Variants in CTNNA3 observed in about 807,000 individuals in gnomAD.
CTNNA3 encodes catenin alpha-3.
A neutral mutation model predicts 95.7 loss-of-function variants in CTNNA3; 76 were observed. The ratio of observed to expected loss-of-function variants is 0.79; its 90% confidence interval spans 0.66 to 0.96. CTNNA3 has a LOEUF of 0.96. CTNNA3 is among the 40% of genes least tolerant of loss of function. The pLI, the probability that CTNNA3 is intolerant of heterozygous loss-of-function variation, is 0.00. For missense variants in CTNNA3, 1,191 were observed against 1,089.8 expected, an observed-to-expected ratio of 1.09 and a Z score of -1.31; for synonymous variants, 431 against 374.4, an observed-to-expected ratio of 1.15 and a Z score of -1.74.
At chr10:67,357,288 C>T (rs1364474535) in intron 5 of CTNNA3, among the ~76,000 whole-genome samples, 1 of 152,040 alleles carries the variant, frequency 6.6e-6, no homozygotes, top group East Asian at 1.9e-4. Context: ...TTACATCAAA[C>T]ATGATGTTAT....
chr10:66,506,043 A>T (rs1353511192), intron 11 of CTNNA3, among the ~76,000 whole-genome samples: 2 of 152,170 alleles, frequency 1.3e-5, no homozygotes, highest in African/African-American at 2.4e-5. Flanking sequence ...TCATGGCAGA[A>T]GGTGATGGGG....
chr10:67,554,782 GC>G (rs1841172367), intron 3 of CTNNA3, among the ~76,000 whole-genome samples: 1 of 152,092 alleles, frequency 6.6e-6, no homozygotes, highest in Non-Finnish European at 1.5e-5. Context: ...GTCAATTTTG[GC>G]TTTTGTTGCC....
intron 5 of CTNNA3, among the ~76,000 whole-genome samples, chr10:67,277,968 A>G (rs117338106): frequency 6.6e-6 from 1 of 152,288 alleles, no homozygotes; most frequent in East Asian, 1.9e-4. Flanking sequence ...GAGCAGTCCA[A>G]GATGCTGCCC....
chr10:66,348,741 G>A (rs1028170394), intron 12 of CTNNA3, among the ~76,000 whole-genome samples: 11 of 152,000 alleles, frequency 7.2e-5, no homozygotes, highest in African/African-American at 2.2e-4. Flanking sequence ...ACGAGTGTCC[G>A]CTTGTTGATG....
At chr10:66,437,055 C>A (rs1396704497) in intron 11 of CTNNA3, among the ~76,000 whole-genome samples, 2 of 152,056 alleles carry the variant, frequency 1.3e-5, no homozygotes, top group African/African-American at 4.8e-5. Flanking sequence ...GCCAAGAGAT[C>A]CCCTGTTAGT....
At chr10:66,097,042 A>G (rs937543141) in intron 14 of CTNNA3, among the ~76,000 whole-genome samples, 2 of 152,128 alleles carry the variant, frequency 1.3e-5, no homozygotes, top group Admixed American at 6.6e-5. Context: ...TTTTTTGGAT[A>G]TCTATTTCAG....
At chr10:67,274,053 C>G (rs1839090053) in intron 5 of CTNNA3, among the ~76,000 whole-genome samples, 1 of 152,072 alleles carries the variant, frequency 6.6e-6, no homozygotes, top group African/African-American at 2.4e-5. Flanking sequence ...CATAAATTTA[C>G]TATAAAACAA....
intron 13 of CTNNA3, among the ~76,000 whole-genome samples, chr10:66,270,853 A>G (rs2091265907): frequency 1.3e-5 from 2 of 152,272 alleles, no homozygotes; most frequent in South Asian, 2.1e-4. Flanking sequence ...AATTAGGGGA[A>G]CAGCCAGCAG....
intron 10 of CTNNA3, among the ~76,000 whole-genome samples, chr10:66,540,015 T>C (rs1841793040): frequency 6.6e-6 from 1 of 152,096 alleles, no homozygotes; most frequent in South Asian, 2.1e-4. Context: ...TCATTTTCTG[T>C]CTATCTTAGA....
chr10:66,568,564 T>A (rs1265096450), intron 10 of CTNNA3, among the ~76,000 whole-genome samples: 1 of 152,034 alleles, frequency 6.6e-6, no homozygotes, highest in African/African-American at 2.4e-5. Flanking sequence ...CTGAGCTGCA[T>A]ACAGAACATA....
chr10:66,578,278 A>G (rs1240624646), intron 10 of CTNNA3, among the ~76,000 whole-genome samples: 1 of 151,804 alleles, frequency 6.6e-6, no homozygotes, highest in Non-Finnish European at 1.5e-5. Context: ...AGAGTGAGTT[A>G]GACTTCCTCT....
At chr10:66,994,222 A>G (rs1183697875) in intron 7 of CTNNA3, among the ~76,000 whole-genome samples, 2 of 152,214 alleles carry the variant, frequency 1.3e-5, no homozygotes, top group African/African-American at 4.8e-5. Context: ...CCAGTGGTTA[A>G]AAGGAAAAGA....
At chr10:66,915,440 TA>T (rs944440300) in intron 7 of CTNNA3, among the ~76,000 whole-genome samples, 1 of 152,076 alleles carries the variant, frequency 6.6e-6, no homozygotes, top group Non-Finnish European at 1.5e-5. Flanking sequence ...AATACTGGAC[TA>T]AAAAACTTAG....
intron 10 of CTNNA3, among the ~76,000 whole-genome samples, chr10:66,540,581 T>C (rs866340049): frequency 5.3e-5 from 8 of 152,084 alleles, no homozygotes; most frequent in Admixed American, 2.0e-4. Flanking sequence ...TAAACTGCCA[T>C]AAACGTGAGC....
intron 8 of CTNNA3, among the ~76,000 whole-genome samples, chr10:66,773,512 C>T (rs1840177982): frequency 6.6e-6 from 1 of 152,170 alleles, no homozygotes; most frequent in Non-Finnish European, 1.5e-5. Context: ...GGAAGAAGCA[C>T]TGAGGTTCCA....
rs117553888 is a variant in CTNNA3 at position 66,927,900 on chromosome 10, A to G, written c.1048-152376T>C. 1.0e-4 allele frequency: 163 copies of G among 1,614,240 alleles called. No individual in the cohort carries two copies. The highest frequency in any genetic ancestry group is 1.2e-4 in the Non-Finnish European group (136 of 1,180,042). On this transcript the variant is annotated intron_variant, in intron 7 of 17. Transcript: ENST00000433211. The surrounding 1 kb of genome is among the most constrained non-coding windows in gnomAD (Gnocchi z 4.7). ...TTTGCTCCCTTGTAAACTGGCTGAA[A>G]AGTTTTAAAGGTCTAAGGGAGAATA...
chr10:66,616,807 G>T (rs1360362209), intron 10 of CTNNA3, among the ~76,000 whole-genome samples: 1 of 151,738 alleles, frequency 6.6e-6, no homozygotes, highest in Admixed American at 6.6e-5. Context: ...TCTCATCTTT[G>T]GTCAGTATCT....
At chr10:66,021,016 G>A (rs1204309593) in intron 15 of CTNNA3, among the ~76,000 whole-genome samples, 1 of 152,020 alleles carries the variant, frequency 6.6e-6, no homozygotes, top group African/African-American at 2.4e-5. Context: ...ACTCTTTCTT[G>A]ATCACTGACT....
intron 5 of CTNNA3, among the ~76,000 whole-genome samples, chr10:67,268,447 G>T (rs1866923148): frequency 6.6e-6 from 1 of 151,992 alleles, no homozygotes; most frequent in African/African-American, 2.4e-5. Flanking sequence ...CATGAGCCCA[G>T]GAGTTCAAGG....
Sources: gnomAD v4.1 joint callset for allele counts (sites outside exome capture counted in the v4.1 genomes callset) on GRCh38, gnomAD v4.1.1 for gene constraint, Gnocchi (gnomAD v3.1) non-coding constraint, MANE v1.5 for transcripts, NCBI Gene and HGNC (gene_info 2026-07-23, HGNC 2026-07-21) for gene names.